ANKRD52: variants seen among roughly 807,000 people sequenced by gnomAD.
ANKRD52 encodes serine/threonine-protein phosphatase 6 regulatory ankyrin repeat subunit C.
ANKRD52 carries 7 observed loss-of-function variants against 116.0 expected under a neutral mutation model. The observed-to-expected ratio is 0.06, with a 90% CI of 0.03 to 0.11. The LOEUF (loss-of-function observed/expected upper bound fraction) is 0.11, where lower values mean the gene tolerates loss of function less well. ANKRD52 is among the 10% of genes least tolerant of loss of function. The pLI is 1.00. For missense variants in ANKRD52, 839 were observed against 1,408.6 expected (o/e 0.60, Z 6.47); for synonymous variants, 528 against 578.1 (o/e 0.91, Z 1.24).
Position 56,258,306 on chromosome 12 carries a change from C to G in ANKRD52, c.-37G>C, listed in dbSNP as rs756071516. Reference sequence around the variant, plus strand: ...GGCTCCGTCCGCATCGAGCTCCCGGCGGCGGCGGCGGCGGCTCCACCGGGG... The same window carrying G: ...GGCTCCGTCCGCATCGAGCTCCCGGGGGCGGCGGCGGCGGCTCCACCGGGG... On this transcript the variant is annotated 5_prime_UTR_variant, in exon 1 of 28. Coordinates refer to ENST00000267116, the MANE Select transcript of ANKRD52 (RefSeq NM_173595.4). 6 of 1,520,580 alleles carry G rather than the reference C, an allele frequency of 3.9e-6. No individual in the cohort carries two copies. The South Asian group carries it at 6.2e-5, about 16-fold the overall frequency. 94.2% of individuals were successfully genotyped at this position (1,520,580 alleles called of 1,614,324 possible).
intron 1 of ANKRD52, 93 bp downstream of exon 1, chr12:56,258,150 C>T (rs1158585942): frequency 1.6e-5 from 24 of 1,542,644 alleles, no homozygotes; most frequent in Admixed American, 2.0e-5. Context: ...GAGCCCCGGG[C>T]TCAGGCCCAG....
chr12:56,242,263 G>A lies in ANKRD52; in HGVS notation c.*879C>T. The A allele has an allele frequency of 2.5e-6, 1 of 398,360 alleles. No individual in the cohort carries two copies. The highest frequency in any genetic ancestry group is 4.4e-6 in the Non-Finnish European group (1 of 226,042). 24.7% of individuals were successfully genotyped at this position (398,360 alleles called of 1,614,324 possible). ...AAATTAATTTGTTTCTTCCCCTAAAGGATAAAACGCTTACTTAAAAATTCA... is the reference window on the plus strand; with the variant it reads ...AAATTAATTTGTTTCTTCCCCTAAAAGATAAAACGCTTACTTAAAAATTCA... On this transcript the variant is annotated 3_prime_UTR_variant, in exon 28 of 28. Coordinates refer to ENST00000267116, the MANE Select transcript of ANKRD52 (RefSeq NM_173595.4). This position sits in a 1 kb window ranked among gnomAD's most constrained non-coding sequence, Gnocchi z 4.3.
In ANKRD52 at chr12:56,252,348, A is replaced by G; in HGVS notation, c.1371-33T>C. 1 of 1,611,488 alleles carries G rather than the reference A, an allele frequency of 6.2e-7. No homozygotes were observed. Among genetic ancestry groups the G allele is most frequent in the South Asian group, 1.1e-5 (1 of 91,032 alleles). On this transcript the variant is annotated intron_variant, in intron 13 of 27. Coordinates refer to ENST00000267116, the MANE Select transcript of ANKRD52 (RefSeq NM_173595.4). This position sits in a 1 kb window ranked among gnomAD's most constrained non-coding sequence, Gnocchi z 4.7. Reference sequence around the variant, plus strand: ...AGAAGTGAAGGAGGGTGGGGAAGAGAATCAGAGACAGATACGAATGCAATC... The same window carrying G: ...AGAAGTGAAGGAGGGTGGGGAAGAGGATCAGAGACAGATACGAATGCAATC...
intron 15 of ANKRD52, among the ~76,000 whole-genome samples, chr12:56,251,783 T>C (rs1871705518): frequency 6.7e-6 from 1 of 149,122 alleles, no homozygotes; most frequent in African/African-American, 2.5e-5. Context: ...GGGAAGGAAC[T>C]ATGTCTCATA....
rs1315103912 is a variant in ANKRD52, at chr12:56,248,150, C to T, written c.1851G>A (p.Lys617=). The change falls in exon 18 of 28, where the codon AAG becomes AAA. Residue 617 remains lysine, a synonymous_variant. Coordinates refer to ENST00000267116, the MANE Select transcript of ANKRD52 (RefSeq NM_173595.4). The surrounding 1 kb of genome is among the most constrained non-coding windows in gnomAD (Gnocchi z 5.1). ...TLVNLDVRDH[K]GRTALFLATE... ...TGGCCAGGAAGAGTGCGGTCCGGCCCTTGTGGTCCCTTACGTCCAGATTCA... is the reference window on the plus strand; with the variant it reads ...TGGCCAGGAAGAGTGCGGTCCGGCCTTTGTGGTCCCTTACGTCCAGATTCA... 1.2e-6 allele frequency: 2 copies of T among 1,613,848 alleles called. No individual in the cohort carries two copies. The highest frequency in any genetic ancestry group is 1.7e-6 in the Non-Finnish European group (2 of 1,179,916).
In ANKRD52 at chr12:56,256,231, C is replaced by T. The variant is rs183071432; in HGVS notation, c.262-247G>A. 9.2e-5 allele frequency among the ~76,000 whole-genome samples: 14 copies of T among 152,256 alleles called. No individual in the cohort carries two copies. The East Asian group carries it at 2.1e-3, about 23-fold the overall frequency. On this transcript the variant is annotated intron_variant, in intron 4 of 27. Coordinates refer to ENST00000267116, the MANE Select transcript of ANKRD52 (RefSeq NM_173595.4). Reference sequence around the variant, plus strand: ...TTGCTCTTCTTCAAGCCACCTGACTCGCCAACTTAGACCCTGAAAATCTTC... The same window carrying T: ...TTGCTCTTCTTCAAGCCACCTGACTTGCCAACTTAGACCCTGAAAATCTTC...
At position 56,250,518 on chromosome 12, in the gene ANKRD52, T is replaced by C. The variant is rs1056705947; in HGVS notation, c.1592+1497A>G. Among the ~76,000 whole-genome samples the C allele has an allele frequency of 1.3e-5, 2 of 151,726 alleles. 1 individual carries two copies. Among genetic ancestry groups the C allele is most frequent in the Non-Finnish European group, 2.9e-5 (2 of 67,950 alleles). ...TACCTGCACCTGCCTCCTGAATAACTGGGAATATATGCATGTGCCACCGTG... is the reference window on the plus strand; with the variant it reads ...TACCTGCACCTGCCTCCTGAATAACCGGGAATATATGCATGTGCCACCGTG... On this transcript the variant is annotated intron_variant, in intron 15 of 27. Transcript: ENST00000267116.
chr12:56,252,413 T>C lies in ANKRD52; in HGVS notation c.1370+89A>G. ...ATGCTGCTTTGTAACATTCTCCTTATTTAAGTCTCCAATCTAAACCCTTCC... is the reference window on the plus strand; with the variant it reads ...ATGCTGCTTTGTAACATTCTCCTTACTTAAGTCTCCAATCTAAACCCTTCC... On this transcript the variant is annotated intron_variant, in intron 13 of 27. Transcript: ENST00000267116. The surrounding 1 kb of genome is among the most constrained non-coding windows in gnomAD (Gnocchi z 4.7). 1 of 1,593,396 alleles carries C rather than the reference T, an allele frequency of 6.3e-7. No individual in the cohort carries two copies. The highest frequency in any genetic ancestry group is 8.6e-7 in the Non-Finnish European group (1 of 1,161,984).
chr12:56,257,776 G>A, intron 2 of ANKRD52, 52 bp downstream of exon 2: 1 of 1,581,584 alleles, frequency 6.3e-7, no homozygotes, highest in African/African-American at 1.3e-5. Flanking sequence ...GAGGGGTCCA[G>A]AACACGGGAG....
chr12:56,257,468 A>G, intron 2 of ANKRD52, 107 bp from the exon 3 acceptor site: 3 of 1,032,682 alleles, frequency 2.9e-6, no homozygotes, highest in Non-Finnish European at 4.4e-6. Context: ...ACCTCTTCCC[A>G]TAGTTTCTGC....
At position 56,238,856 on chromosome 12, in the gene ANKRD52, C is replaced by G. The variant is rs1871040542; in HGVS notation, c.*4286G>C. The G allele has an allele frequency of 6.5e-6, 1 of 152,680 alleles. No individual in the cohort carries two copies. The highest frequency in any genetic ancestry group is 1.5e-5 in the Non-Finnish European group (1 of 68,308). 9.5% of individuals were successfully genotyped at this position (152,680 alleles called of 1,614,324 possible). ...GGAAGAAGACTGGAAGCAGAGACCT[C>G]CCCCCTTGTGGGGGGCAGACTGGCA... On this transcript the variant is annotated 3_prime_UTR_variant, in exon 28 of 28. Transcript: ENST00000267116.
rs1871285680 is a variant in ANKRD52, at chr12:56,244,084, C to T, written c.2855G>A (p.Gly952Asp). The part of the protein sequence containing the change: ...LMILAETQDL[G>D]LINATNSALQ... Reference sequence around the variant, plus strand: ...CGCACTGTTGGTAGCATTGATAAGGCCAAGGTCTTGGGTTTCTGCCAGGAT... The same window carrying T: ...CGCACTGTTGGTAGCATTGATAAGGTCAAGGTCTTGGGTTTCTGCCAGGAT... The change falls in exon 26 of 28, where the codon GGC becomes GAC. Residue 952 changes from glycine to aspartate, a missense_variant. Around this residue, in one of 2 missense-constraint regions of ANKRD52, gnomAD observed 552 missense variants for 810.6 expected, o/e 0.68. Transcript: ENST00000267116. This position sits in a 1 kb window ranked among gnomAD's most constrained non-coding sequence, Gnocchi z 4.9. The T allele has an allele frequency of 1.2e-6, 2 of 1,613,950 alleles. No individual in the cohort carries two copies. Among genetic ancestry groups the T allele is most frequent in the Non-Finnish European group, 1.7e-6 (2 of 1,179,898 alleles).
Position 56,244,142 on chromosome 12 carries a change from G to A in ANKRD52, c.2806-9C>T, listed in dbSNP as rs1206050404. 1 of 1,613,808 alleles carries A rather than the reference G, an allele frequency of 6.2e-7. No individual in the cohort carries two copies. Among genetic ancestry groups the A allele is most frequent in the Non-Finnish European group, 8.5e-7 (1 of 1,179,756 alleles). On this transcript the variant is annotated splice_polypyrimidine_tract_variant and intron_variant, in intron 25 of 27. Transcript: ENST00000267116. The surrounding 1 kb of genome is among the most constrained non-coding windows in gnomAD (Gnocchi z 4.9). ...GCACATTTCTCATGGCCCTGAGGGA[G>A]GGGAACAGAGAGTGGAGACTTGTGA...
At position 56,241,595 on chromosome 12, in the gene ANKRD52, T is replaced by G; in HGVS notation, c.*1547A>C. On this transcript the variant is annotated 3_prime_UTR_variant, in exon 28 of 28. Coordinates refer to ENST00000267116, the MANE Select transcript of ANKRD52 (RefSeq NM_173595.4). ...TCCAGTTCTCAGGGGACAATACTGATGGCAGCCAAACTGGGCAAGGATGCA... is the reference window on the plus strand; with the variant it reads ...TCCAGTTCTCAGGGGACAATACTGAGGGCAGCCAAACTGGGCAAGGATGCA... The G allele has an allele frequency of 5.7e-6, 1 of 176,712 alleles. No individual in the cohort carries two copies. Among genetic ancestry groups the G allele is most frequent in the East Asian group, 1.4e-4 (1 of 7,050 alleles). The allele number at this position is 176,712 out of a possible 1,614,324, so 10.9% of individuals were successfully genotyped here.
rs745798295 is a variant in ANKRD52 at position 56,252,009 on chromosome 12, A to G, written c.1592+6T>C. The G allele has an allele frequency of 1.9e-6, 3 of 1,612,676 alleles. No homozygotes were observed. The highest frequency in any genetic ancestry group is 2.5e-6 in the Non-Finnish European group (3 of 1,179,654). ...GCACATCCCAGGGGCCCTCTCTGCT[A>G]CTCACAAGAAGGCCTCCTTCCTGCG... On this transcript the variant is annotated splice_donor_region_variant and intron_variant, in intron 15 of 27. Transcript: ENST00000267116. This position sits in a 1 kb window ranked among gnomAD's most constrained non-coding sequence, Gnocchi z 4.7.
chr12:56,251,905 C>A, intron 15 of ANKRD52, 110 bp downstream of exon 15: 1 of 1,220,816 alleles, frequency 8.2e-7, no homozygotes, highest in Admixed American at 2.3e-5. Context: ...GGCTGACCGG[C>A]AGGACAGCAG....
chr12:56,248,592 T>C lies in ANKRD52; in HGVS notation c.1705-26A>G, dbSNP rs368819944. On this transcript the variant is annotated intron_variant, in intron 16 of 27. Coordinates refer to ENST00000267116, the MANE Select transcript of ANKRD52 (RefSeq NM_173595.4). This position sits in a 1 kb window ranked among gnomAD's most constrained non-coding sequence, Gnocchi z 5.1. ...CTGCAAAGGACAGGAAAGTAGGTGCTGAGACTCTGGAACTCCCAAGATAGT... is the reference window on the plus strand; with the variant it reads ...CTGCAAAGGACAGGAAAGTAGGTGCCGAGACTCTGGAACTCCCAAGATAGT... The C allele has an allele frequency of 1.0e-5, 16 of 1,570,874 alleles. No homozygotes were observed. In the African/African-American group the frequency reaches 1.9e-4, roughly 19 times the overall value.
Position 56,252,168 on chromosome 12 carries a change from G to A in ANKRD52, c.1511+7C>T. On this transcript the variant is annotated splice_region_variant and intron_variant, in intron 14 of 27. Coordinates refer to ENST00000267116, the MANE Select transcript of ANKRD52 (RefSeq NM_173595.4). This position sits in a 1 kb window ranked among gnomAD's most constrained non-coding sequence, Gnocchi z 4.7. ...GGGGCTGAGAAGGACCAGACTGGTA[G>A]CCTCACCTCCTGTAAGTGTCAGAAG... is the stretch of plus-strand genomic sequence containing the variant. The A allele has an allele frequency of 6.2e-7, 1 of 1,613,978 alleles. No homozygotes were observed. The highest frequency in any genetic ancestry group is 8.5e-7 in the Non-Finnish European group (1 of 1,179,872).
At position 56,237,981 on chromosome 12, in the gene ANKRD52, C is replaced by A; in HGVS notation, c.*5161G>T. On this transcript the variant is annotated 3_prime_UTR_variant, in exon 28 of 28. Coordinates refer to ENST00000267116, the MANE Select transcript of ANKRD52 (RefSeq NM_173595.4). ...CAGGGTCATTAATCTGCGGGGAGAACATTGTGCTTTAGCCCAGGGAGGGGA... is the reference window on the plus strand; with the variant it reads ...CAGGGTCATTAATCTGCGGGGAGAAAATTGTGCTTTAGCCCAGGGAGGGGA... 11 of 319,576 alleles carry A rather than the reference C, an allele frequency of 3.4e-5. No individual in the cohort carries two copies. Among genetic ancestry groups the A allele is most frequent in the Non-Finnish European group, 5.1e-5 (9 of 175,494 alleles). 19.8% of individuals were successfully genotyped at this position (319,576 alleles called of 1,614,324 possible).
Sources: allele counts gnomAD v4.1 joint callset (sites outside exome capture counted in the v4.1 genomes callset), GRCh38; gene constraint gnomAD v4.1.1; regional missense constraint gnomAD v4.1.1; non-coding constraint Gnocchi (gnomAD v3.1); transcripts MANE v1.5; gene names NCBI Gene and HGNC (gene_info 2026-07-23, HGNC 2026-07-21).